Variants in SOX5 observed in about 807,000 individuals in gnomAD.
The protein encoded by SOX5 is SRY-box transcription factor 5, also known as transcription factor SOX-5.
A neutral mutation model predicts 92.0 loss-of-function variants in SOX5; 9 were observed. The observed-to-expected ratio is 0.10, with a 90% CI of 0.06 to 0.17. The LOEUF (loss-of-function observed/expected upper bound fraction) is 0.17. Among genes scored for constraint, SOX5 ranks in the 10% least tolerant of loss-of-function variants. The probability of loss-of-function intolerance (pLI) is 1.00; values close to 1 mark genes in which losing one functional copy is unlikely to be tolerated. For synonymous variants in SOX5, 344 were observed against 336.3 expected, an observed-to-expected ratio of 1.02 and a Z score of -0.25; for missense variants, 642 against 944.5, an observed-to-expected ratio of 0.68 and a Z score of 4.20.
chr12:24,047,495 A>C (rs1389710784), intron 4 of SOX5, among the ~76,000 whole-genome samples: 1 of 152,194 alleles, frequency 6.6e-6, no homozygotes. Context: ...CTGTAAGCAC[A>C]GTTTATGCTG....
intron 1 of SOX5, among the ~76,000 whole-genome samples, chr12:24,423,271 T>C (rs17509005): frequency 0.2 from 29,953 of 152,162 alleles, 3,072 homozygotes; most frequent in Middle Eastern, 0.27. Flanking sequence ...TTATAAAGTC[T>C]CAAGTCTCAA....
At chr12:23,562,429 T>C (rs1946375622) in intron 11 of SOX5, among the ~76,000 whole-genome samples, 1 of 152,216 alleles carries the variant, frequency 6.6e-6, no homozygotes, top group African/African-American at 2.4e-5. Flanking sequence ...ACAAGTCTGT[T>C]TGACTCATAA....
intron 1 of SOX5, among the ~76,000 whole-genome samples, chr12:24,448,483 G>A (rs1941816077): frequency 6.6e-6 from 1 of 152,184 alleles, no homozygotes; most frequent in Non-Finnish European, 1.5e-5. Context: ...GCCTCTCCAG[G>A]AAAGATATTA....
At chr12:24,271,262 A>G (rs914445594) in intron 3 of SOX5, among the ~76,000 whole-genome samples, 3 of 152,184 alleles carry the variant, frequency 2.0e-5, no homozygotes, top group East Asian at 1.9e-4. Flanking sequence ...TCTCCTGGCT[A>G]CTACTGAGAC....
chr12:23,677,590 C>A (rs191268045), intron 6 of SOX5, among the ~76,000 whole-genome samples: 7 of 152,222 alleles, frequency 4.6e-5, no homozygotes, highest in East Asian at 1.9e-4. Context: ...AAAACAAAAC[C>A]TTTTTATTAA....
chr12:24,067,388 T>A (rs1432216985), intron 4 of SOX5, among the ~76,000 whole-genome samples: 1 of 152,010 alleles, frequency 6.6e-6, no homozygotes, highest in African/African-American at 2.4e-5. Flanking sequence ...AAAAATAACA[T>A]AATTGCCATA....
intron 10 of SOX5, among the ~76,000 whole-genome samples, chr12:23,569,287 G>A (rs899621775): frequency 4.6e-5 from 7 of 152,182 alleles, no homozygotes; most frequent in South Asian, 2.1e-4. Flanking sequence ...CTCTGGTACC[G>A]TAGTGCTTCA....
upstream of SOX5, among the ~76,000 whole-genome samples, chr12:23,951,326 C>T (rs540690242): frequency 6.6e-6 from 1 of 151,986 alleles, no homozygotes; most frequent in Non-Finnish European, 1.5e-5. Flanking sequence ...TTCCTCCCCC[C>T]CAACCCCCTC....
chr12:23,695,016 A>G (rs1420401477), intron 6 of SOX5, among the ~76,000 whole-genome samples: 1 of 151,788 alleles, frequency 6.6e-6, no homozygotes. Flanking sequence ...GCTACTTGCA[A>G]GGCTGAGGTG....
At chr12:24,220,603 AG>A (rs1476041489) in intron 3 of SOX5, among the ~76,000 whole-genome samples, 5 of 152,184 alleles carry the variant, frequency 3.3e-5, no homozygotes, top group Admixed American at 2.6e-4. Context: ...TGTTTTCCAA[AG>A]GTTCTAAGTT....
At chr12:24,148,503 AAGAG>A (rs1276614612) in intron 4 of SOX5, among the ~76,000 whole-genome samples, 3 of 95,530 alleles carry the variant, frequency 3.1e-5, no homozygotes, top group Admixed American at 1.5e-4. Context: ...AAAAAAAAAA[AAGAG>A]AGAGAGAGAG....
chr12:23,736,015 G>C (rs548019655), intron 5 of SOX5, among the ~76,000 whole-genome samples: 1 of 152,168 alleles, frequency 6.6e-6, no homozygotes, highest in African/African-American at 2.4e-5. Flanking sequence ...TCTAATAAGA[G>C]TGCATGAATA....
chr12:24,097,666 A>G (rs779628028), intron 4 of SOX5, among the ~76,000 whole-genome samples: 2 of 152,126 alleles, frequency 1.3e-5, no homozygotes, highest in Non-Finnish European at 2.9e-5. Context: ...GAATGAATTA[A>G]TTAGCTTCTC....
chr12:24,246,257 T>A (rs1938683152), intron 3 of SOX5, among the ~76,000 whole-genome samples: 1 of 152,044 alleles, frequency 6.6e-6, no homozygotes. Context: ...TTTTTCCTGT[T>A]GATGTTCTCA....
At chr12:24,112,862 T>C (rs1489754583) in intron 4 of SOX5, among the ~76,000 whole-genome samples, 2 of 152,012 alleles carry the variant, frequency 1.3e-5, no homozygotes, top group African/African-American at 4.8e-5. Context: ...TTCCTAATCA[T>C]TGCTTTTAGA....
intron 7 of SOX5, among the ~76,000 whole-genome samples, chr12:23,641,268 A>G (rs2138738099): frequency 6.6e-6 from 1 of 152,310 alleles, no homozygotes; most frequent in African/African-American, 2.4e-5. Flanking sequence ...ATTATTATAA[A>G]AGGAACTTAA....
intron 11 of SOX5, among the ~76,000 whole-genome samples, chr12:23,559,494 C>A (rs922428377): frequency 2.0e-5 from 3 of 152,248 alleles, no homozygotes; most frequent in East Asian, 1.9e-4. Flanking sequence ...AAAAAAAAAT[C>A]TCTTAGAAGT....
intron 3 of SOX5, among the ~76,000 whole-genome samples, chr12:23,783,900 C>A (rs1468273978): frequency 6.6e-6 from 1 of 152,094 alleles, no homozygotes; most frequent in Non-Finnish European, 1.5e-5. Flanking sequence ...TGGCAATAAA[C>A]AAGTTGGGCT....
intron 2 of SOX5, among the ~76,000 whole-genome samples, chr12:24,317,800 C>G (rs1949837804): frequency 6.6e-6 from 1 of 152,202 alleles, no homozygotes; most frequent in Non-Finnish European, 1.5e-5. Flanking sequence ...AACCTACACT[C>G]TTTGTTAACA....
Sources: allele counts gnomAD v4.1 joint callset (sites outside exome capture counted in the v4.1 genomes callset), GRCh38; gene constraint gnomAD v4.1.1; transcripts MANE v1.5; gene names NCBI Gene and HGNC (gene_info 2026-07-23, HGNC 2026-07-21).